Variants in TMEM131 observed in about 807,000 individuals in gnomAD.
The protein encoded by TMEM131 is 2610524E03Rik.
In TMEM131, 66 loss-of-function variants were observed where a neutral mutation model predicts 211.6. The ratio of observed to expected loss-of-function variants is 0.31; its 90% CI spans 0.26 to 0.38. TMEM131 has a LOEUF of 0.38. Among genes scored for constraint, TMEM131 ranks in the 10% least tolerant of loss-of-function variants. The probability of loss-of-function intolerance (pLI) is 1.00; values close to 1 mark genes in which losing one functional copy is unlikely to be tolerated. For synonymous variants in TMEM131, 844 were observed against 841.3 expected (o/e 1.00, Z -0.06); for missense variants, 2,036 against 2,299.3 (o/e 0.89, Z 2.34).
chr2:97,851,779 C>T (rs889446664), intron 5 of TMEM131, among the ~76,000 whole-genome samples: 1 of 152,198 alleles, frequency 6.6e-6, no homozygotes, highest in African/African-American at 2.4e-5. Context: ...CATTGCTCCA[C>T]CAACTGCTGT....
chr2:97,954,806 C>CAAAA (rs778680522), intron 1 of TMEM131, among the ~76,000 whole-genome samples: 70 of 37,022 alleles, frequency 1.9e-3, no homozygotes, highest in African/African-American at 7.4e-3. Context: ...AACTCCATCT[C>CAAAA]AAAAAAAAAA....
At chr2:97,966,106 G>A (rs1415186331) in intron 1 of TMEM131, among the ~76,000 whole-genome samples, 1 of 151,082 alleles carries the variant, frequency 6.6e-6, no homozygotes, top group Non-Finnish European at 1.5e-5. Flanking sequence ...TTTTTCCCTT[G>A]TCATAAAACA....
intron 1 of TMEM131, among the ~76,000 whole-genome samples, chr2:97,941,953 G>A (rs1677750966): frequency 6.6e-6 from 1 of 152,128 alleles, no homozygotes; most frequent in Non-Finnish European, 1.5e-5. Flanking sequence ...AATACCATTT[G>A]ACCCAGCCAT....
Position 97,857,033 on chromosome 2 carries a change from G to T in TMEM131, c.483+2271C>A, listed in dbSNP as rs530061248. 3.8e-3 allele frequency among the ~76,000 whole-genome samples: 571 copies of T among 152,244 alleles called. 3 individuals are homozygous for T. The highest frequency in any genetic ancestry group is 6.9e-3 in the Non-Finnish European group (471 of 67,990). ...GTTTATCTTTTAAAAAATTTCCAGAGAAACTATTCTCTTTGCCTAACATTC... is the reference window on the plus strand; with the variant it reads ...GTTTATCTTTTAAAAAATTTCCAGATAAACTATTCTCTTTGCCTAACATTC... On this transcript the variant is annotated intron_variant, in intron 5 of 40. Transcript: ENST00000186436.
At chr2:97,865,393 A>G (rs1405476381) in intron 4 of TMEM131, among the ~76,000 whole-genome samples, 2 of 152,236 alleles carry the variant, frequency 1.3e-5, no homozygotes, top group Non-Finnish European at 2.9e-5. Flanking sequence ...TTCTTTCACC[A>G]TTAAGTACGA....
chr2:97,773,653 G>GA (rs1189110237), intron 32 of TMEM131, among the ~76,000 whole-genome samples: 6 of 130,930 alleles, frequency 4.6e-5, no homozygotes, highest in Admixed American at 1.4e-4. Flanking sequence ...TATTATGTGT[G>GA]GTTTTTTTTT....
At chr2:97,867,963 A>G (rs936596993) in intron 4 of TMEM131, among the ~76,000 whole-genome samples, 1 of 152,214 alleles carries the variant, frequency 6.6e-6, no homozygotes. Flanking sequence ...TGCAACTTTA[A>G]TAACTTTTTA....
At chr2:97,984,674 TA>T (rs1296106342) in intron 1 of TMEM131, among the ~76,000 whole-genome samples, 5 of 151,326 alleles carry the variant, frequency 3.3e-5, no homozygotes, top group Non-Finnish European at 7.4e-5. Context: ...GGGAGGGCAT[TA>T]ATCTATTCAT....
At chr2:97,852,867 T>C (rs1171217123) in intron 5 of TMEM131, among the ~76,000 whole-genome samples, 3 of 152,360 alleles carry the variant, frequency 2.0e-5, no homozygotes, top group Non-Finnish European at 4.4e-5. Context: ...CCAGTGCTCA[T>C]CTGCCATTCT....
chr2:97,783,853 C>T (rs936509551), intron 31 of TMEM131, among the ~76,000 whole-genome samples: 1 of 151,472 alleles, frequency 6.6e-6, no homozygotes, highest in Admixed American at 6.6e-5. Context: ...TATATGCTGT[C>T]TATAAGAAAC....
intron 1 of TMEM131, among the ~76,000 whole-genome samples, chr2:97,984,688 G>A (rs1258811303): frequency 4.0e-5 from 6 of 150,354 alleles, no homozygotes; most frequent in Non-Finnish European, 7.4e-5. Context: ...CTATTCATGA[G>A]GGATTATTAA....
At chr2:97,824,905 G>A (rs1682302203) in intron 11 of TMEM131, among the ~76,000 whole-genome samples, 1 of 152,166 alleles carries the variant, frequency 6.6e-6, no homozygotes, top group South Asian at 2.1e-4. Flanking sequence ...TTAGACTAGT[G>A]CAAGATCTTA....
chr2:97,858,004 A>G (rs954942293), intron 5 of TMEM131, among the ~76,000 whole-genome samples: 33 of 152,244 alleles, frequency 2.2e-4, no homozygotes, highest in Admixed American at 6.5e-5. Flanking sequence ...TTTTATTACC[A>G]GAAGTAATAT....
rs1573479183 is a variant in TMEM131, at chr2:97,865,956, C to T, written c.360-6529G>A. Among the ~76,000 whole-genome samples, 3 of 152,298 alleles carry T rather than the reference C, an allele frequency of 2.0e-5. No individual in the cohort carries two copies. The Middle Eastern group carries it at 0.01, about 518-fold the overall frequency. ...GGAATGAAGTGGCACGATCTCGGCT[C>T]ACTGCAAGCTCCGCCTCCTGGGTTC... is the stretch of plus-strand genomic sequence containing the variant. On this transcript the variant is annotated intron_variant, in intron 4 of 40. Coordinates refer to ENST00000186436, the MANE Select transcript of TMEM131 (RefSeq NM_015348.2).
At chr2:97,841,487 T>C (rs1683189788) in intron 7 of TMEM131, among the ~76,000 whole-genome samples, 1 of 152,168 alleles carries the variant, frequency 6.6e-6, no homozygotes, top group Admixed American at 6.5e-5. Flanking sequence ...CCAGAAAGTG[T>C]TTACAGGCAA....
chr2:97,981,550 GT>G (rs1009452660), intron 1 of TMEM131, among the ~76,000 whole-genome samples: 18 of 152,070 alleles, frequency 1.2e-4, no homozygotes, highest in Non-Finnish European at 2.2e-4. Flanking sequence ...TCTCATTTAG[GT>G]TTTTTCCCCC....
chr2:97,916,539 G>A (rs1676514510), intron 2 of TMEM131, among the ~76,000 whole-genome samples: 1 of 152,182 alleles, frequency 6.6e-6, no homozygotes, highest in South Asian at 2.1e-4. Flanking sequence ...TAATCAACTT[G>A]ACATGACATG....
At chr2:97,919,090 C>A (rs1342372099) in intron 2 of TMEM131, among the ~76,000 whole-genome samples, 2 of 152,174 alleles carry the variant, frequency 1.3e-5, no homozygotes, top group Non-Finnish European at 2.9e-5. Flanking sequence ...AAGAAACGTT[C>A]CAAAACTGAC....
intron 2 of TMEM131, among the ~76,000 whole-genome samples, chr2:97,921,269 T>C (rs183392947): frequency 1.3e-5 from 2 of 152,068 alleles, no homozygotes; most frequent in Admixed American, 1.3e-4. Context: ...AAAGAAAACA[T>C]TGGGAAATAG....
Sources: allele counts gnomAD v4.1 joint callset (sites outside exome capture counted in the v4.1 genomes callset), GRCh38; gene constraint gnomAD v4.1.1; transcripts MANE v1.5; gene names NCBI Gene and HGNC (gene_info 2026-07-23, HGNC 2026-07-21).